Variants in RERE observed in about 807,000 individuals in gnomAD.
The protein encoded by RERE is arginine-glutamic acid dipeptide repeats protein.
Under a neutral mutation model 146.1 loss-of-function variants are expected in RERE, and 40 were observed. That is an observed-to-expected ratio of 0.27 (90% confidence interval 0.21 to 0.36). The LOEUF is 0.36. Ranked by LOEUF, RERE falls within the 10% of genes least tolerant of loss-of-function variation. The pLI is 1.00. For missense variants in RERE, 1,933 were observed against 2,138.7 expected, an observed-to-expected ratio of 0.90 and a Z score of 1.90; for synonymous variants, 1,003 against 866.0, an observed-to-expected ratio of 1.16 and a Z score of -2.78.
intron 12 of RERE, among the ~76,000 whole-genome samples, chr1:8,389,788 C>CTG (rs1642820473): frequency 6.6e-6 from 1 of 152,214 alleles, no homozygotes; most frequent in South Asian, 2.1e-4. Flanking sequence ...CAGCTAAGTG[C>CTG]ACGTTGTTTT....
At chr1:8,523,356 A>C (rs1000786581) in intron 7 of RERE, among the ~76,000 whole-genome samples, 1 of 152,246 alleles carries the variant, frequency 6.6e-6, no homozygotes, top group African/African-American at 2.4e-5. Context: ...TGATAAGAAC[A>C]ACTAATAAGA....
At chr1:8,664,717 G>A (rs950295003) in intron 1 of RERE, among the ~76,000 whole-genome samples, 1 of 151,992 alleles carries the variant, frequency 6.6e-6, no homozygotes, top group African/African-American at 2.4e-5. Flanking sequence ...TTATCTCATT[G>A]TTACCTTATA....
chr1:8,786,731 G>A lies in RERE; in HGVS notation c.-145+30429C>T, dbSNP rs939558277. Reference sequence around the variant, plus strand: ...GCTTTTCTTGCCATCCTTGCCATTCGAATTTCAGTTCTGTACATCTGCCTA... The same window carrying A: ...GCTTTTCTTGCCATCCTTGCCATTCAAATTTCAGTTCTGTACATCTGCCTA... On this transcript the variant is annotated intron_variant, in intron 1 of 22. Transcript: ENST00000400908. 3.1e-5 allele frequency: 24 copies of A among 783,914 alleles called. 1 individual carries two copies. Among genetic ancestry groups the A allele is most frequent in the South Asian group, 2.0e-4 (15 of 74,932 alleles). The allele number at this position is 783,914 out of a possible 1,614,324, so 48.6% of individuals were successfully genotyped here. A position where few individuals can be genotyped will look rare whatever the true frequency, so the allele number is the denominator to read the frequency against.
At chr1:8,677,855 A>G (rs927764715) in intron 1 of RERE, among the ~76,000 whole-genome samples, 3 of 152,252 alleles carry the variant, frequency 2.0e-5, no homozygotes, top group African/African-American at 2.4e-5. Flanking sequence ...AACACTGCTG[A>G]TGACAAACCA....
At chr1:8,745,051 T>A (rs1017713709) in intron 1 of RERE, among the ~76,000 whole-genome samples, 1 of 152,156 alleles carries the variant, frequency 6.6e-6, no homozygotes, top group Non-Finnish European at 1.5e-5. Context: ...TCTAGTGACT[T>A]CCATGGTGAT....
chr1:8,732,779 T>C lies in RERE; in HGVS notation c.-144-76338A>G, dbSNP rs114455239. Among the ~76,000 whole-genome samples, 1,404 of 151,066 alleles carry C rather than the reference T, an allele frequency of 9.3e-3. 6 individuals are homozygous for C. The highest frequency in any genetic ancestry group is 0.014 in the Admixed American group (205 of 15,156). On this transcript the variant is annotated intron_variant, in intron 1 of 22. Coordinates refer to ENST00000400908, the MANE Select transcript of RERE (RefSeq NM_001042681.2). Reference sequence around the variant, plus strand: ...GTATATGTGTGTGTGTGGGAACTACTTATACTATCTGCCCAATTTTCAATT... The same window carrying C: ...GTATATGTGTGTGTGTGGGAACTACCTATACTATCTGCCCAATTTTCAATT...
chr1:8,472,249 A>G (rs1340531032), intron 10 of RERE, among the ~76,000 whole-genome samples: 1 of 152,268 alleles, frequency 6.6e-6, no homozygotes, highest in African/African-American at 2.4e-5. Flanking sequence ...AATTGCCATT[A>G]GAAACATTCC....
At chr1:8,465,513 C>T (rs765745501) in intron 11 of RERE, 1 of 346,156 alleles carries the variant, frequency 2.9e-6, no homozygotes, top group Non-Finnish European at 5.7e-6. Context: ...ACGGCAAAAC[C>T]CCCTTCTCTA....
At chr1:8,671,258 G>A (rs1557471343) in intron 1 of RERE, among the ~76,000 whole-genome samples, 1 of 152,136 alleles carries the variant, frequency 6.6e-6, no homozygotes, top group Admixed American at 6.5e-5. Context: ...GGCCAAAAAC[G>A]TTCTGTAAAC....
chr1:8,367,222 C>G (rs1330721342), intron 12 of RERE, among the ~76,000 whole-genome samples: 1 of 152,172 alleles, frequency 6.6e-6, no homozygotes, highest in Admixed American at 6.5e-5. Context: ...CAAACTCACC[C>G]ATCAGACCAG....
intron 8 of RERE, among the ~76,000 whole-genome samples, chr1:8,501,386 G>A (rs868494304): frequency 1.6e-5 from 1 of 60,906 alleles, no homozygotes; most frequent in Non-Finnish European, 3.1e-5. Context: ...AAGGTGGGGG[G>A]TCAGCCCCCC....
At chr1:8,784,609 A>G (rs1309178964) in intron 1 of RERE, among the ~76,000 whole-genome samples, 2 of 152,154 alleles carry the variant, frequency 1.3e-5, no homozygotes, top group Non-Finnish European at 2.9e-5. Flanking sequence ...CAGAATTCAC[A>G]GTTTTTATCA....
chr1:8,633,138 G>C (rs1180051317), intron 2 of RERE, among the ~76,000 whole-genome samples: 2 of 152,162 alleles, frequency 1.3e-5, no homozygotes, highest in Non-Finnish European at 2.9e-5. Flanking sequence ...ATTTACTTAT[G>C]GCCAAGCTTA....
chr1:8,468,754 A>C (rs1271989355), intron 10 of RERE, among the ~76,000 whole-genome samples: 1 of 152,004 alleles, frequency 6.6e-6, no homozygotes, highest in Non-Finnish European at 1.5e-5. Context: ...GCGTGGTGGC[A>C]TGTGCCTATA....
At position 8,656,043 on chromosome 1, in the gene RERE, A is replaced by G; in HGVS notation, c.255T>C (p.Arg85=). 1 of 1,613,872 alleles carries G rather than the reference A, an allele frequency of 6.2e-7. No homozygotes were observed. Among genetic ancestry groups the G allele is most frequent in the Non-Finnish European group, 8.5e-7 (1 of 1,179,918 alleles). The change falls in exon 2 of 23, where the codon CGT becomes CGC. Residue 85 remains arginine, a synonymous_variant. Coordinates refer to ENST00000400908, the MANE Select transcript of RERE (RefSeq NM_001042681.2). ...TCTCACCGGTATCTGTCCTTTCATAACGAGACTTTTTTTTCGGTGGTTTCT... is the reference window on the plus strand; with the variant it reads ...TCTCACCGGTATCTGTCCTTTCATAGCGAGACTTTTTTTTCGGTGGTTTCT... The part of the protein sequence containing the change: ...NKKKPPKKKS[R]YERTDTGEIT...
chr1:8,814,505 T>A (rs933580312), intron 1 of RERE, among the ~76,000 whole-genome samples: 10 of 152,180 alleles, frequency 6.6e-5, no homozygotes, highest in Non-Finnish European at 7.3e-5. Flanking sequence ...AGTCACCCTA[T>A]CAGACTTTAT....
intron 12 of RERE, among the ~76,000 whole-genome samples, chr1:8,417,814 G>A (rs1187908151): frequency 1.3e-5 from 2 of 152,184 alleles, no homozygotes; most frequent in Non-Finnish European, 2.9e-5. Flanking sequence ...ATCCGCTTAT[G>A]CAACCTCCTT....
chr1:8,662,136 T>C (rs1379765963), intron 1 of RERE, among the ~76,000 whole-genome samples: 3 of 152,216 alleles, frequency 2.0e-5, no homozygotes, highest in Non-Finnish European at 4.4e-5. Context: ...GAAGGCCAGA[T>C]TCCTCACAGT....
chr1:8,424,109 C>A (rs1228252579), intron 11 of RERE: 2 of 152,210 alleles, frequency 1.3e-5, no homozygotes, highest in African/African-American at 4.8e-5. Context: ...AAGTCGGCTG[C>A]GCCCCGGCCG....
Sources: allele counts gnomAD v4.1 joint callset (sites outside exome capture counted in the v4.1 genomes callset), GRCh38; gene constraint gnomAD v4.1.1; transcripts MANE v1.5; gene names NCBI Gene and HGNC (gene_info 2026-07-23, HGNC 2026-07-21).